WDR11: variants seen among roughly 807,000 people sequenced by gnomAD.
WDR11 encodes WD repeat-containing protein 11.
Under a neutral mutation model 151.2 loss-of-function variants are expected in WDR11, and 83 were observed. The observed-to-expected ratio is 0.55, with a 90% CI of 0.46 to 0.66. The LOEUF is 0.66. Ranked by LOEUF, WDR11 falls within the 30% of genes least tolerant of loss-of-function variation. The pLI, the probability that WDR11 is intolerant of heterozygous loss-of-function variation, is 0.00. For missense variants in WDR11, 1,301 were observed against 1,480.9 expected, an observed-to-expected ratio of 0.88 and a Z score of 1.99; for synonymous variants, 484 against 533.1, an observed-to-expected ratio of 0.91 and a Z score of 1.27.
chr10:120,908,509 T>G (rs748811601), intron 28 of WDR11, 47 bp from the exon 29 acceptor site: 7 of 1,590,682 alleles, frequency 4.4e-6, no homozygotes, highest in Non-Finnish European at 6.0e-6. Flanking sequence ...CTGTGAAGAG[T>G]CTCATCACAG....
intron 10 of WDR11, among the ~76,000 whole-genome samples, chr10:120,871,817 A>G (rs1337958532): frequency 6.6e-6 from 1 of 152,216 alleles, no homozygotes; most frequent in Non-Finnish European, 1.5e-5. Flanking sequence ...TGGTCCCTAT[A>G]AATTAAGATT....
At chr10:120,876,536 C>G (rs139285763) in intron 11 of WDR11, among the ~76,000 whole-genome samples, 424 of 152,286 alleles carry the variant, frequency 2.8e-3, no homozygotes, top group Non-Finnish European at 4.6e-3. Context: ...CATCTCTTCT[C>G]TTCTGTTGCA....
intron 2 of WDR11, among the ~76,000 whole-genome samples, chr10:120,854,964 A>G (rs990254203): frequency 1.3e-5 from 2 of 152,170 alleles, no homozygotes; most frequent in Admixed American, 6.5e-5. Flanking sequence ...TGAACCCTAT[A>G]TATATTGTGC....
rs1485032386 is a variant in WDR11 at position 120,852,704 on chromosome 10, C to T, written c.198+69C>T. The stretch of plus-strand genomic sequence containing the variant: ...AAGTTTAATACTGTGTATCACTAAG[C>T]TCTCATTAAGTCTTACGTGTAAGTG... On this transcript the variant is annotated intron_variant, in intron 2 of 28. Transcript: ENST00000263461. 28 of 1,322,500 alleles carry T rather than the reference C, an allele frequency of 2.1e-5. No individual in the cohort carries two copies. In the East Asian group the frequency reaches 6.4e-4, roughly 30 times the overall value. The allele number at this position is 1,322,500 out of a possible 1,614,324, so 81.9% of individuals were successfully genotyped here.
Position 120,909,120 on chromosome 10 carries a change from C to CTGTACT in WDR11, c.*409_*414dup, listed in dbSNP as rs1160429548. The CTGTACT allele has an allele frequency of 4.1e-6, 1 of 246,022 alleles. No individual in the cohort carries two copies. The highest frequency in any genetic ancestry group is 8.0e-6 in the Non-Finnish European group (1 of 124,340). 15.2% of individuals were successfully genotyped at this position (246,022 alleles called of 1,614,324 possible). On this transcript the variant is annotated 3_prime_UTR_variant, in exon 29 of 29. Coordinates refer to ENST00000263461, the MANE Select transcript of WDR11 (RefSeq NM_018117.12). ...ATGTTTTCTCAAATATATGCTGTGC[C>CTGTACT]TGTACTTATATACAGTCTTTCAAGA...
intron 2 of WDR11, among the ~76,000 whole-genome samples, chr10:120,857,264 A>G (rs1845979891): frequency 6.6e-6 from 1 of 152,202 alleles, no homozygotes; most frequent in Non-Finnish European, 1.5e-5. Context: ...GAAAAGCTAA[A>G]GCAAGAATTC....
At chr10:120,900,736 A>G (rs1189864738) in intron 20 of WDR11, among the ~76,000 whole-genome samples, 2 of 152,198 alleles carry the variant, frequency 1.3e-5, no homozygotes, top group Non-Finnish European at 2.9e-5. Context: ...TAAGTTCTTC[A>G]TTAAAAGGAA....
intron 19 of WDR11, among the ~76,000 whole-genome samples, chr10:120,898,404 C>T (rs1847689598): frequency 2.0e-5 from 3 of 152,180 alleles, no homozygotes; most frequent in African/African-American, 4.8e-5. Context: ...TCAATAATCA[C>T]TTTTTAAGTT....
At chr10:120,870,706 A>C (rs1021846165) in intron 9 of WDR11, among the ~76,000 whole-genome samples, 1 of 152,218 alleles carries the variant, frequency 6.6e-6, no homozygotes, top group Non-Finnish European at 1.5e-5. Context: ...AAGTTATTTA[A>C]ATCTGTTTTT....
intron 2 of WDR11, among the ~76,000 whole-genome samples, chr10:120,854,530 G>A (rs749092520): frequency 6.6e-6 from 1 of 152,196 alleles, no homozygotes; most frequent in Non-Finnish European, 1.5e-5. Context: ...GTTTCTAGGG[G>A]TGGAATTACT....
chr10:120,903,099 C>T lies in WDR11; in HGVS notation c.2798C>T (p.Ala933Val), dbSNP rs770038285. ...GAGCTGCACTTCTGGACTGTCGCTG[C>T]CCACTACCTGCACAGCTTATCCCAG... ...ESELHFWTVA[A>V]HYLHSLSQEK... Residue 933 changes from alanine (A) to valine (V), a missense_variant, in exon 23 of 29, where the codon GCC (alanine) becomes GTC (valine). Coordinates refer to ENST00000263461, the MANE Select transcript of WDR11 (RefSeq NM_018117.12). The T allele has an allele frequency of 5.6e-6, 9 of 1,614,044 alleles. No individual in the cohort carries two copies. The highest frequency in any genetic ancestry group is 6.8e-6 in the Non-Finnish European group (8 of 1,180,034).
Position 120,900,011 on chromosome 10 carries a change from CCTTT to C in WDR11, c.2516-13_2516-10del, listed in dbSNP as rs1564721633. The C allele has an allele frequency of 6.2e-7, 1 of 1,600,082 alleles. No homozygotes were observed. The highest frequency in any genetic ancestry group is 1.1e-5 in the South Asian group (1 of 90,772). On this transcript the variant is annotated splice_polypyrimidine_tract_variant and intron_variant, in intron 19 of 28. Coordinates refer to ENST00000263461, the MANE Select transcript of WDR11 (RefSeq NM_018117.12). ...TAAAACTTCATTTTATTTTTAAAAA[CCTTT>C]CTTTGTTGTCTAGAGCCTGTGTGGT...
rs771733026 is a variant in WDR11 at position 120,904,743 on chromosome 10, C to T, written c.3125C>T (p.Ser1042Leu). 51 of 1,614,150 alleles carry T rather than the reference C, an allele frequency of 3.2e-5. No individual in the cohort carries two copies. The highest frequency in any genetic ancestry group is 4.0e-5 in the Non-Finnish European group (47 of 1,180,028). ...GCCTGTTTAGTCACTACTGTCACCT[C>T]GTCAGGCCCCTCTCAGAGCACCATT... ...LKACLVTTVT[S>L]SGPSQSTIKL... Residue 1042 changes from serine to leucine, a missense_variant, in exon 25 of 29, where the codon TCG (serine) becomes TTG (leucine). By Grantham distance (145) the Ser-to-Leu change is moderately radical (BLOSUM62 -2). Coordinates refer to ENST00000263461, the MANE Select transcript of WDR11 (RefSeq NM_018117.12).
chr10:120,897,404 T>C (rs1847651107), intron 19 of WDR11, among the ~76,000 whole-genome samples: 1 of 152,130 alleles, frequency 6.6e-6, no homozygotes, highest in African/African-American at 2.4e-5. Flanking sequence ...CTGACAATAT[T>C]TCCTCCACAT....
At chr10:120,892,771 G>C (rs1187950596) in intron 19 of WDR11, among the ~76,000 whole-genome samples, 1 of 152,150 alleles carries the variant, frequency 6.6e-6, no homozygotes, top group African/African-American at 2.4e-5. Context: ...AGACAAATTA[G>C]AAGATTAGAA....
intron 19 of WDR11, 46 bp from the exon 20 acceptor site, chr10:120,899,983 G>T (rs776068343): frequency 6.7e-7 from 1 of 1,484,424 alleles, no homozygotes; most frequent in South Asian, 1.1e-5. Context: ...CTTCACTGTA[G>T]TATAAAACTT....
At position 120,905,809 on chromosome 10, in the gene WDR11, C is replaced by T. The variant is rs977814273; in HGVS notation, c.3292-67C>T. On this transcript the variant is annotated intron_variant, in intron 26 of 28. Coordinates refer to ENST00000263461, the MANE Select transcript of WDR11 (RefSeq NM_018117.12). ...TTCATAGAAACAGATCTCACTTTAA[C>T]TGAATTATTATTTTTTCTTTATAGA... is the stretch of plus-strand genomic sequence containing the variant. 52 of 1,613,512 alleles carry T rather than the reference C, an allele frequency of 3.2e-5. 1 individual carries two copies. The highest frequency in any genetic ancestry group is 3.9e-5 in the Non-Finnish European group (46 of 1,179,894).
intron 3 of WDR11, among the ~76,000 whole-genome samples, 173 bp downstream of exon 3, chr10:120,858,969 C>T (rs1055774824): frequency 6.6e-6 from 1 of 152,114 alleles, no homozygotes; most frequent in South Asian, 2.1e-4. Flanking sequence ...CTTACTAATA[C>T]ACTTCTAGGC....
At chr10:120,899,806 CA>C (rs1847747587) in intron 19 of WDR11, 5 of 568,018 alleles carry the variant, frequency 8.8e-6, no homozygotes, top group South Asian at 6.8e-5. Flanking sequence ...AATAAAAAAT[CA>C]AAAAAGGGGG....
Sources: gnomAD v4.1 joint callset for allele counts (sites outside exome capture counted in the v4.1 genomes callset) on GRCh38, gnomAD v4.1.1 for gene constraint, MANE v1.5 for transcripts, NCBI Gene and HGNC (gene_info 2026-07-23, HGNC 2026-07-21) for gene names.